MYO3B: variants seen among roughly 807,000 people sequenced by gnomAD.
MYO3B encodes myosin-IIIb.
Under a neutral mutation model 174.6 loss-of-function variants are expected in MYO3B, and 156 were observed. That is an observed-to-expected ratio of 0.89 (90% CI 0.78 to 1.02). The LOEUF is 1.02. Among genes scored for constraint, MYO3B ranks in the 50% least tolerant of loss-of-function variants. The probability of loss-of-function intolerance (pLI) is 0.00; values close to 1 mark genes in which losing one functional copy is unlikely to be tolerated. For synonymous variants in MYO3B, 563 were observed against 569.1 expected (o/e 0.99, Z 0.15); for missense variants, 1,632 against 1,639.4 (o/e 1.00, Z 0.08).
At chr2:170,193,558 C>G (rs1299271462) in intron 1 of MYO3B, among the ~76,000 whole-genome samples, 1 of 152,066 alleles carries the variant, frequency 6.6e-6, no homozygotes, top group Non-Finnish European at 1.5e-5. Flanking sequence ...CCCCTCACCA[C>G]CACCTCCACT....
rs889741378 is a variant in MYO3B at position 170,400,430 on chromosome 2, G to C, written c.1918+116G>C. The C allele has an allele frequency of 1.1e-5, 13 of 1,226,966 alleles. No individual in the cohort carries two copies. The African/African-American group carries it at 2.1e-4, about 19-fold the overall frequency. The allele number at this position is 1,226,966 out of a possible 1,614,324, so 76.0% of individuals were successfully genotyped here. ...TTTTTTTTTTTTTTTTATCGAGATGGAGTCTCACTCTGTCATCCAGGCTGG... is the reference window on the plus strand; with the variant it reads ...TTTTTTTTTTTTTTTTATCGAGATGCAGTCTCACTCTGTCATCCAGGCTGG... On this transcript the variant is annotated intron_variant, in intron 17 of 34. Coordinates refer to ENST00000408978, the MANE Select transcript of MYO3B (RefSeq NM_138995.5).
intron 32 of MYO3B, among the ~76,000 whole-genome samples, chr2:170,592,020 A>G (rs1247362535): frequency 6.6e-6 from 1 of 152,202 alleles, no homozygotes; most frequent in Non-Finnish European, 1.5e-5. Flanking sequence ...AATTCCCACA[A>G]TAATTCTGTT....
intron 32 of MYO3B, among the ~76,000 whole-genome samples, chr2:170,610,340 C>CA (rs201605450): frequency 0.052 from 7,186 of 139,230 alleles, 547 homozygotes; most frequent in African/African-American, 0.17. Context: ...GACTTTGTCT[C>CA]AAAAAAAAAA....
chr2:170,300,410 T>C (rs950402362), intron 7 of MYO3B, among the ~76,000 whole-genome samples: 4 of 152,228 alleles, frequency 2.6e-5, no homozygotes, highest in African/African-American at 4.8e-5. Context: ...TCAATACCTC[T>C]TATATTTCTG....
intron 20 of MYO3B, 52 bp downstream of exon 20, chr2:170,404,452 G>T (rs769695303): frequency 1.3e-6 from 2 of 1,533,990 alleles, no homozygotes; most frequent in African/African-American, 2.8e-5. Flanking sequence ...AACTTGGCTT[G>T]TGTCATCAAT....
At chr2:170,309,814 G>A (rs193039985) in intron 7 of MYO3B, among the ~76,000 whole-genome samples, 29 of 151,994 alleles carry the variant, frequency 1.9e-4, no homozygotes, top group East Asian at 1.5e-3. Context: ...ATTTAGTGAC[G>A]TTTAGTACAT....
At chr2:170,643,843 C>T (rs974628171) in intron 32 of MYO3B, 18 of 152,244 alleles carry the variant, frequency 1.2e-4, no homozygotes, top group African/African-American at 4.1e-4. Context: ...TCTGCCCCAC[C>T]AAGCTGGGGA....
chr2:170,340,697 T>A (rs73975605), intron 8 of MYO3B: 8,713 of 152,216 alleles, frequency 0.057, 453 homozygotes, highest in African/African-American at 0.13. Context: ...ACTTAGCAAG[T>A]CCTCAGATTC....
At chr2:170,583,871 G>A (rs1192273628) in intron 32 of MYO3B, among the ~76,000 whole-genome samples, 1 of 152,056 alleles carries the variant, frequency 6.6e-6, no homozygotes, top group Admixed American at 6.5e-5. Flanking sequence ...TTTCCATCTT[G>A]AAGATGTGAT....
rs970459876 is a variant in MYO3B at position 170,350,053 on chromosome 2, T to C, written c.815+14603T>C. Among the ~76,000 whole-genome samples the C allele has an allele frequency of 6.6e-5, 10 of 151,850 alleles. No homozygotes were observed. In the East Asian group the frequency reaches 9.7e-4, roughly 15 times the overall value. On this transcript the variant is annotated intron_variant, in intron 8 of 34. Transcript: ENST00000408978. ...GTCTTGCTCTGTTGCCCAGGCTGGA[T>C]TGCAGTGGCGCGATCTCGGCTCATT...
At chr2:170,483,999 A>G (rs945286434) in intron 25 of MYO3B, among the ~76,000 whole-genome samples, 7 of 152,222 alleles carry the variant, frequency 4.6e-5, no homozygotes, top group African/African-American at 1.2e-4. Flanking sequence ...CTTACAGTAA[A>G]TATCTGCCTA....
intron 23 of MYO3B, among the ~76,000 whole-genome samples, chr2:170,456,012 C>T (rs1046783188): frequency 2.0e-5 from 3 of 152,070 alleles, no homozygotes; most frequent in Non-Finnish European, 4.4e-5. Context: ...AATAAACTGA[C>T]AAGAGGCAGA....
rs1559202289 is a variant in MYO3B, at chr2:170,649,304, TATATATTATATATAAA to T, written c.3734-2320_3734-2305del. Among the ~76,000 whole-genome samples the T allele has an allele frequency of 7.0e-5, 6 of 86,068 alleles. 1 individual carries two copies. Among genetic ancestry groups the T allele is most frequent in the African/African-American group, 2.9e-4 (6 of 20,392 alleles). The allele number at this position is 86,068 out of a possible 152,430, so 56.5% of individuals were successfully genotyped here. On this transcript the variant is annotated intron_variant, in intron 32 of 34. Transcript: ENST00000408978. The stretch of plus-strand genomic sequence containing the variant: ...ATAATATATATTATATATAAAATAA[TATATATTATATATAAA>T]ATAATATAATATATATTATATATAA...
chr2:170,385,362 T>G (rs1247463289), intron 12 of MYO3B, among the ~76,000 whole-genome samples: 3 of 152,188 alleles, frequency 2.0e-5, no homozygotes, highest in Admixed American at 1.3e-4. Flanking sequence ...GGGCTCACCT[T>G]GAACCACCTT....
chr2:170,412,404 T>C (rs768657292), intron 22 of MYO3B: 3 of 152,228 alleles, frequency 2.0e-5, no homozygotes, highest in Non-Finnish European at 4.4e-5. Flanking sequence ...ACCTCAAAGT[T>C]TGATTTTTGC....
At chr2:170,651,559 A>C in intron 32 of MYO3B, 69 bp from the exon 33 acceptor site, 1 of 1,223,066 alleles carries the variant, frequency 8.2e-7, no homozygotes, top group East Asian at 2.3e-5. Context: ...ATTTATGTGA[A>C]GAGCCATTTT....
chr2:170,582,228 A>G (rs1693197968), intron 32 of MYO3B, among the ~76,000 whole-genome samples: 1 of 152,252 alleles, frequency 6.6e-6, no homozygotes, highest in African/African-American at 2.4e-5. Flanking sequence ...CCAGGAAGCA[A>G]AGGGATAGGA....
chr2:170,600,676 A>G (rs1299612761), intron 32 of MYO3B, among the ~76,000 whole-genome samples: 3 of 152,200 alleles, frequency 2.0e-5, no homozygotes, highest in African/African-American at 4.8e-5. Flanking sequence ...AATGTCCACA[A>G]AAAATTTAAT....
At chr2:170,267,276 A>G (rs2093391277) in intron 7 of MYO3B, among the ~76,000 whole-genome samples, 1 of 152,178 alleles carries the variant, frequency 6.6e-6, no homozygotes. Context: ...GATGCTCAGC[A>G]TTGGGTTGGC....
Sources: gnomAD v4.1 joint callset for allele counts (sites outside exome capture counted in the v4.1 genomes callset) on GRCh38, gnomAD v4.1.1 for gene constraint, MANE v1.5 for transcripts, NCBI Gene and HGNC (gene_info 2026-07-23, HGNC 2026-07-21) for gene names.